The following IL1RL1 variants were observed in gnomAD, a reference collection of about 807,000 sequenced individuals.
IL1RL1 encodes interleukin 1 receptor like 1, also known as interleukin-1 receptor-like 1.
Under a neutral mutation model 50.9 loss-of-function variants are expected in IL1RL1, and 32 were observed. The observed-to-expected ratio is 0.63, with a 90% CI of 0.47 to 0.84. The LOEUF (loss-of-function observed/expected upper bound fraction) is 0.84, where lower values mean the gene tolerates loss of function less well. Among genes scored for constraint, IL1RL1 ranks in the 40% least tolerant of loss-of-function variants. IL1RL1 has a pLI of 0.00. For missense variants in IL1RL1, 773 were observed against 662.9 expected, an observed-to-expected ratio of 1.17 and a Z score of -1.82; for synonymous variants, 275 against 236.0, an observed-to-expected ratio of 1.17 and a Z score of -1.51.
At chr2:102,345,635 A>G (rs1677756961) in intron 8 of IL1RL1, 1 of 985,288 alleles carries the variant, frequency 1.0e-6, no homozygotes, top group Non-Finnish European at 1.2e-6. Flanking sequence ...CTCTGCCTGA[A>G]GTGCTATGTG....
At chr2:102,322,228 C>T (rs1339748332) in intron 1 of IL1RL1, among the ~76,000 whole-genome samples, 1 of 152,176 alleles carries the variant, frequency 6.6e-6, no homozygotes, top group African/African-American at 2.4e-5. Flanking sequence ...ATTCCTTCTT[C>T]TTTGGGAAAC....
chr2:102,351,768 A>G lies in IL1RL1; in HGVS notation c.1518A>G (p.Val506=), dbSNP rs2105003262. ...LQDSLQHLMK[V]QGTIKWREDH... ...ACTCCCTCCAGCATCTTATGAAAGT[A>G]CAGGGGACCATCAAGTGGAGGGAGG... Residue 506 remains valine, a synonymous_variant, in exon 11 of 11, where the codon GTA becomes GTG. Transcript: ENST00000233954. 1 of 1,614,140 alleles carries G rather than the reference A, an allele frequency of 6.2e-7. No homozygotes were observed. Among genetic ancestry groups the G allele is most frequent in the South Asian group, 1.1e-5 (1 of 91,084 alleles).
chr2:102,344,275 C>T (rs1401456412), intron 8 of IL1RL1: 2 of 265,104 alleles, frequency 7.5e-6, no homozygotes, highest in Non-Finnish European at 1.2e-5. Context: ...TCCCACCAGG[C>T]TCCACCTCGA....
intron 1 of IL1RL1, among the ~76,000 whole-genome samples, chr2:102,319,998 G>T (rs1246017208): frequency 2.0e-5 from 3 of 152,062 alleles, no homozygotes; most frequent in African/African-American, 7.2e-5. Flanking sequence ...CCTTTCTTTT[G>T]CTTTGTTATT....
intron 1 of IL1RL1, among the ~76,000 whole-genome samples, chr2:102,336,249 G>A (rs1345640174): frequency 6.6e-6 from 1 of 152,162 alleles, no homozygotes; most frequent in African/African-American, 2.4e-5. Flanking sequence ...ACCCCTTAAT[G>A]TGAAGTGACA....
chr2:102,330,895 C>T (rs548973617), intron 1 of IL1RL1, among the ~76,000 whole-genome samples: 1 of 152,062 alleles, frequency 6.6e-6, no homozygotes, highest in East Asian at 1.9e-4. Context: ...TTAAGATGTT[C>T]TGTTATGTAA....
chr2:102,351,755 A>G lies in IL1RL1; in HGVS notation c.1505A>G (p.His502Arg). Residue 502 changes from histidine (H) to arginine (R), a missense_variant, in exon 11 of 11, where the codon CAT (histidine) becomes CGT (arginine). By Grantham distance (29) the His-to-Arg change is conservative (BLOSUM62 0). Coordinates refer to ENST00000233954, the MANE Select transcript of IL1RL1 (RefSeq NM_016232.5). ...QAEALQDSLQHLMKVQGTIKW... is the reference protein window; with the variant it reads ...QAEALQDSLQRLMKVQGTIKW... ...GAGGCGCTTCAGGACTCCCTCCAGCATCTTATGAAAGTACAGGGGACCATC... is the reference window on the plus strand; with the variant it reads ...GAGGCGCTTCAGGACTCCCTCCAGCGTCTTATGAAAGTACAGGGGACCATC... The G allele has an allele frequency of 6.2e-7, 1 of 1,614,132 alleles. No homozygotes were observed. The highest frequency in any genetic ancestry group is 8.5e-7 in the Non-Finnish European group (1 of 1,179,992).
intron 6 of IL1RL1, 122 bp downstream of exon 6, chr2:102,342,416 A>G: frequency 1.5e-6 from 1 of 665,194 alleles, no homozygotes; most frequent in Admixed American, 2.6e-5. Context: ...GGAGTAAGTG[A>G]GGTGACATCC....
At chr2:102,312,004 T>TATATATTAAATATA (rs1676521363) in intron 1 of IL1RL1, among the ~76,000 whole-genome samples, 1 of 34,012 alleles carries the variant, frequency 2.9e-5, no homozygotes, top group East Asian at 8.8e-4. Context: ...ATAATATATT[T>TATATATTAAATATA]ATATATATTA....
Position 102,345,742 on chromosome 2 carries a change from G to A in IL1RL1, c.971-2203G>A, listed in dbSNP as rs543189880. Reference sequence around the variant, plus strand: ...ACTCATGTAGATGGCTATAAGTGCCGTAGTGTTCTGTGGGTCTCTGGTGTC... The same window carrying A: ...ACTCATGTAGATGGCTATAAGTGCCATAGTGTTCTGTGGGTCTCTGGTGTC... On this transcript the variant is annotated intron_variant, in intron 8 of 10. Transcript: ENST00000233954. 2.7e-5 allele frequency: 27 copies of A among 985,376 alleles called. No individual in the cohort carries two copies. In the Admixed American group the frequency reaches 9.2e-4, roughly 34 times the overall value. The allele number at this position is 985,376 out of a possible 1,614,324, so 61.0% of individuals were successfully genotyped here.
intron 9 of IL1RL1, 81 bp downstream of exon 9, chr2:102,348,172 T>A: frequency 1.8e-6 from 2 of 1,099,474 alleles, no homozygotes; most frequent in African/African-American, 1.6e-5. Flanking sequence ...AATCTTTCAG[T>A]AGCTAGGCTG....
Position 102,339,088 on chromosome 2 carries a change from C to G in IL1RL1, c.272+41C>G, listed in dbSNP as rs749632059. ...CTCCCATCTTCTTTCACCCTGCTCC[C>G]CTTTCTTCAGTGGTTGATTGCCTGA... is the stretch of plus-strand genomic sequence containing the variant. On this transcript the variant is annotated intron_variant, in intron 3 of 10. Coordinates refer to ENST00000233954, the MANE Select transcript of IL1RL1 (RefSeq NM_016232.5). 34 of 1,450,652 alleles carry G rather than the reference C, an allele frequency of 2.3e-5. No individual in the cohort carries two copies. The Admixed American group carries it at 5.7e-4, about 24-fold the overall frequency. The allele number at this position is 1,450,652 out of a possible 1,614,324, so 89.9% of individuals were successfully genotyped here.
intron 10 of IL1RL1, among the ~76,000 whole-genome samples, chr2:102,349,545 G>T (rs564613417): frequency 6.6e-6 from 1 of 152,216 alleles, no homozygotes; most frequent in South Asian, 2.1e-4. Flanking sequence ...CCCCCACCAG[G>T]ATAACTCTGC....
At chr2:102,325,121 C>T (rs1452334989) in intron 1 of IL1RL1, among the ~76,000 whole-genome samples, 1 of 152,126 alleles carries the variant, frequency 6.6e-6, no homozygotes, top group African/African-American at 2.4e-5. Context: ...CAGTCTGACA[C>T]CTCACACAGC....
chr2:102,324,336 T>C (rs532587965), intron 1 of IL1RL1, among the ~76,000 whole-genome samples: 2 of 152,324 alleles, frequency 1.3e-5, no homozygotes, highest in South Asian at 4.1e-4. Context: ...ATTGTCAGTC[T>C]TTTTTATTAG....
chr2:102,342,046 CGTGTGTGTGTGTGTGTGTGTGT>C (rs67962088), intron 5 of IL1RL1, among the ~76,000 whole-genome samples, 155 bp from the exon 6 acceptor site: 1 of 144,068 alleles, frequency 6.9e-6, no homozygotes, highest in African/African-American at 2.6e-5. Flanking sequence ...CTTTCTGTTT[CGTGTGTGTGTGTGTGTGTGTGT>C]GTGTGTGTGT....
intron 4 of IL1RL1, 61 bp from the exon 5 acceptor site, chr2:102,340,605 C>A: frequency 2.0e-6 from 3 of 1,524,328 alleles, no homozygotes; most frequent in South Asian, 1.2e-5. Flanking sequence ...AACATTCTGT[C>A]AACAGATAAA....
intron 1 of IL1RL1, among the ~76,000 whole-genome samples, chr2:102,324,499 T>C (rs966509200): frequency 2.6e-5 from 4 of 152,268 alleles, no homozygotes; most frequent in African/African-American, 7.2e-5. Context: ...TGTCGGATAG[T>C]GGGTGCAGGA....
At chr2:102,318,870 G>A (rs1226853792) in intron 1 of IL1RL1, among the ~76,000 whole-genome samples, 2 of 152,108 alleles carry the variant, frequency 1.3e-5, no homozygotes, top group African/African-American at 2.4e-5. Context: ...ATTGATAACA[G>A]CATAAAGACA....
Sources: allele counts gnomAD v4.1 joint callset (sites outside exome capture counted in the v4.1 genomes callset), GRCh38; gene constraint gnomAD v4.1.1; transcripts MANE v1.5; gene names NCBI Gene and HGNC (gene_info 2026-07-23, HGNC 2026-07-21).